BCL2: variants seen among roughly 807,000 people sequenced by gnomAD.
BCL2 encodes apoptosis regulator Bcl-2.
In BCL2, 1 loss-of-function variant was observed where a neutral mutation model predicts 14.2. That is an observed-to-expected ratio of 0.07 (90% CI 0.02 to 0.33). The LOEUF (loss-of-function observed/expected upper bound fraction) is 0.33. Among genes scored for constraint, BCL2 ranks in the 10% least tolerant of loss-of-function variants. The pLI, the probability that BCL2 is intolerant of heterozygous loss-of-function variation, is 0.99. For missense variants in BCL2, 247 were observed against 305.9 expected, an observed-to-expected ratio of 0.81 and a Z score of 1.44; for synonymous variants, 151 against 137.2, an observed-to-expected ratio of 1.10 and a Z score of -0.70.
chr18:63,265,566 C>T (rs1285435454), intron 2 of BCL2, among the ~76,000 whole-genome samples: 2 of 151,970 alleles, frequency 1.3e-5, no homozygotes, highest in South Asian at 2.1e-4. Context: ...ATAATTTAGG[C>T]GTGGGGAAGG....
In BCL2 at chr18:63,156,087, C is replaced by CAAAAAAA. The variant is rs10640757; in HGVS notation, c.586-27335_586-27329dup. Among the ~76,000 whole-genome samples the CAAAAAAA allele has an allele frequency of 5.1e-4, 33 of 64,194 alleles. 1 individual carries two copies. Among genetic ancestry groups the CAAAAAAA allele is most frequent in the Non-Finnish European group, 6.6e-4 (22 of 33,172 alleles). 42.1% of individuals were successfully genotyped at this position (64,194 alleles called of 152,430 possible). Reference sequence around the variant, plus strand: ...ATATTCATGAGGCTTGCTGAGAAGCCAAAAAAAAAAAAAAAAAAAGGCTTG... The same window carrying CAAAAAAA: ...ATATTCATGAGGCTTGCTGAGAAGCCAAAAAAAAAAAAAAAAAAAAAAAAAAGGCTTG... On this transcript the variant is annotated intron_variant, in intron 2 of 2. Coordinates refer to ENST00000333681, the MANE Select transcript of BCL2 (RefSeq NM_000633.3).
intron 2 of BCL2, among the ~76,000 whole-genome samples, chr18:63,163,413 G>C (rs1371994743): frequency 6.6e-6 from 1 of 151,998 alleles, no homozygotes; most frequent in East Asian, 1.9e-4. Context: ...TTTTGGGAGG[G>C]GTATCACATA....
At chr18:63,128,819 G>A in intron 2 of BCL2, 60 bp from the exon 3 acceptor site, 2 of 711,420 alleles carry the variant, frequency 2.8e-6, no homozygotes, top group Non-Finnish European at 5.3e-6. Flanking sequence ...AGCAGAGAAT[G>A]CCACCCCACA....
At chr18:63,267,010 C>T (rs552183948) in intron 2 of BCL2, among the ~76,000 whole-genome samples, 1 of 152,260 alleles carries the variant, frequency 6.6e-6, no homozygotes, top group South Asian at 2.1e-4. Flanking sequence ...AGGAGAGAAG[C>T]AGGGGAAACA....
chr18:63,203,477 T>A (rs1039164430), intron 2 of BCL2, among the ~76,000 whole-genome samples: 1 of 152,196 alleles, frequency 6.6e-6, no homozygotes, highest in Non-Finnish European at 1.5e-5. Context: ...GTGATTGTAC[T>A]AGCAAAGCAA....
intron 2 of BCL2, among the ~76,000 whole-genome samples, chr18:63,135,072 A>C (rs536491523): frequency 6.6e-6 from 1 of 152,300 alleles, no homozygotes; most frequent in South Asian, 2.1e-4. Flanking sequence ...TCTTTTTTTA[A>C]ATAGGTGAGG....
At chr18:63,213,833 C>G (rs777499420) in intron 2 of BCL2, among the ~76,000 whole-genome samples, 1 of 152,010 alleles carries the variant, frequency 6.6e-6, no homozygotes, top group East Asian at 1.9e-4. Context: ...AGAGTTCTCT[C>G]GACGGCAGAA....
At chr18:63,231,894 G>A (rs1910697850) in intron 2 of BCL2, among the ~76,000 whole-genome samples, 1 of 151,988 alleles carries the variant, frequency 6.6e-6, no homozygotes, top group Non-Finnish European at 1.5e-5. Flanking sequence ...AGAATAATAT[G>A]GGGACTTGTC....
At chr18:63,181,867 G>A (rs1199751123) in intron 2 of BCL2, among the ~76,000 whole-genome samples, 2 of 152,176 alleles carry the variant, frequency 1.3e-5, no homozygotes, top group African/African-American at 2.4e-5. Context: ...TCCACAGAAG[G>A]AGCCCTGCCT....
At chr18:63,172,861 G>A (rs1220477045) in intron 2 of BCL2, among the ~76,000 whole-genome samples, 1 of 152,174 alleles carries the variant, frequency 6.6e-6, no homozygotes, top group Admixed American at 6.5e-5. Flanking sequence ...AGTATTCAAT[G>A]AGATCATGAA....
intron 2 of BCL2, 138 bp downstream of exon 2, chr18:63,317,944 G>C: frequency 1.4e-6 from 2 of 1,473,182 alleles, no homozygotes; most frequent in Non-Finnish European, 1.8e-6. Flanking sequence ...AGGAGGTAGG[G>C]ACGCCGGGAA....
In BCL2 at chr18:63,133,319, ATTTT is replaced by A. The variant is rs34022610; in HGVS notation, c.586-4564_586-4561del. Among the ~76,000 whole-genome samples the A allele has an allele frequency of 4.3e-4, 44 of 103,382 alleles. 1 individual carries two copies. Among genetic ancestry groups the A allele is most frequent in the African/African-American group, 1.5e-3 (41 of 27,714 alleles). 67.8% of individuals were successfully genotyped at this position (103,382 alleles called of 152,430 possible). On this transcript the variant is annotated intron_variant, in intron 2 of 2. Coordinates refer to ENST00000333681, the MANE Select transcript of BCL2 (RefSeq NM_000633.3). ...CCTTTTCCGTTCAGAACCTTCAAGAATTTTTTTTTTTTTTTTTTTTTGAGATGGA... is the reference window on the plus strand; with the variant it reads ...CCTTTTCCGTTCAGAACCTTCAAGAATTTTTTTTTTTTTTTTTGAGATGGA...
At chr18:63,278,804 T>C (rs1912229292) in intron 2 of BCL2, among the ~76,000 whole-genome samples, 2 of 152,154 alleles carry the variant, frequency 1.3e-5, no homozygotes, top group Non-Finnish European at 2.9e-5. Context: ...TATAGAGCTA[T>C]AAGTAAGACA....
At chr18:63,310,525 C>T (rs922108273) in intron 2 of BCL2, among the ~76,000 whole-genome samples, 1 of 152,190 alleles carries the variant, frequency 6.6e-6, no homozygotes, top group African/African-American at 2.4e-5. Flanking sequence ...TCCAGGATTA[C>T]AGTGATTTGT....
intron 2 of BCL2, among the ~76,000 whole-genome samples, chr18:63,148,413 A>G (rs1209313382): frequency 2.0e-5 from 3 of 152,254 alleles, no homozygotes; most frequent in African/African-American, 7.2e-5. Context: ...AAATGCCCAG[A>G]TGAAAATCTA....
intron 2 of BCL2, among the ~76,000 whole-genome samples, chr18:63,253,994 A>C (rs1214049731): frequency 6.6e-6 from 1 of 151,640 alleles, no homozygotes; most frequent in African/African-American, 2.4e-5. Flanking sequence ...TTCTTGAAAT[A>C]CATATAAAGT....
At chr18:63,315,439 T>C (rs534525110) in intron 2 of BCL2, 11 of 152,194 alleles carry the variant, frequency 7.2e-5, no homozygotes, top group Admixed American at 2.0e-4. Context: ...TTATCCATGT[T>C]ATGGAACACA....
chr18:63,269,927 A>T (rs180808977), intron 2 of BCL2, among the ~76,000 whole-genome samples: 1 of 152,242 alleles, frequency 6.6e-6, no homozygotes, highest in African/African-American at 2.4e-5. Flanking sequence ...TAGTGTTTTG[A>T]GGGGGTAGAA....
In BCL2 at chr18:63,319,311, A is replaced by G; in HGVS notation, c.-424T>C. The G allele has an allele frequency of 4.4e-6, 1 of 228,372 alleles. No individual in the cohort carries two copies. Among genetic ancestry groups the G allele is most frequent in the Non-Finnish European group, 8.7e-6 (1 of 115,080 alleles). The allele number at this position is 228,372 out of a possible 1,614,324, so 14.1% of individuals were successfully genotyped here. ...ATTTGAAACTTCCCAATGAATCAGG[A>G]GTCGCGGGGAGAGGGAGTAAAAATT... On this transcript the variant is annotated 5_prime_UTR_variant, in exon 1 of 3. Coordinates refer to ENST00000333681, the MANE Select transcript of BCL2 (RefSeq NM_000633.3).
Sources: gnomAD v4.1 joint callset for allele counts (sites outside exome capture counted in the v4.1 genomes callset) on GRCh38, gnomAD v4.1.1 for gene constraint, MANE v1.5 for transcripts, NCBI Gene and HGNC (gene_info 2026-07-23, HGNC 2026-07-21) for gene names.